The following ALPL variants were observed in gnomAD, a reference collection of about 807,000 sequenced individuals.
ALPL encodes alkaline phosphatase, tissue-nonspecific isozyme.
Under a neutral mutation model 51.3 loss-of-function variants are expected in ALPL, and 42 were observed. That is an observed-to-expected ratio of 0.82 (90% CI 0.64 to 1.06). ALPL has a LOEUF of 1.06. Ranked by LOEUF, ALPL falls within the 50% of genes least tolerant of loss-of-function variation. The probability of loss-of-function intolerance (pLI) is 0.00; values close to 1 mark genes in which losing one functional copy is unlikely to be tolerated. For synonymous variants in ALPL, 279 were observed against 296.4 expected (o/e 0.94, Z 0.60); for missense variants, 589 against 709.4 (o/e 0.83, Z 1.93).
chr1:21,544,781 A>G (rs1644231677), intron 1 of ALPL, among the ~76,000 whole-genome samples: 1 of 152,286 alleles, frequency 6.6e-6, no homozygotes, highest in East Asian at 1.9e-4. Context: ...GTTGTTTTGG[A>G]CTAAATGCAT....
intron 2 of ALPL, among the ~76,000 whole-genome samples, chr1:21,556,883 G>A (rs940402543): frequency 2.6e-5 from 4 of 152,160 alleles, no homozygotes; most frequent in African/African-American, 9.7e-5. Context: ...AGGTTGCAGT[G>A]AGCTGAGATT....
intron 11 of ALPL, 94 bp downstream of exon 11, chr1:21,576,735 G>T: frequency 6.5e-7 from 1 of 1,546,336 alleles, no homozygotes; most frequent in African/African-American, 1.4e-5. Flanking sequence ...AAGGTCAGGG[G>T]TCTCAGAATG....
chr1:21,542,433 T>G (rs1468207344), intron 1 of ALPL, among the ~76,000 whole-genome samples: 4 of 152,216 alleles, frequency 2.6e-5, no homozygotes, highest in Non-Finnish European at 2.9e-5. Flanking sequence ...TAGTGGTTCC[T>G]CTCACCGGGC....
chr1:21,510,972 G>A (rs937450434), intron 1 of ALPL, among the ~76,000 whole-genome samples: 2 of 152,180 alleles, frequency 1.3e-5, no homozygotes, highest in African/African-American at 4.8e-5. Context: ...TGATGATCCC[G>A]GTCCATGTGC....
Position 21,577,555 on chromosome 1 carries a change from C to G in ALPL, c.1482C>G (p.Leu494=). 1.9e-6 allele frequency: 3 copies of G among 1,604,980 alleles called. No homozygotes were observed. The highest frequency in any genetic ancestry group is 2.5e-6 in the Non-Finnish European group (3 of 1,179,838). ...MAYAACIGAN[L]GHCAPASSAG... is the part of the protein sequence containing the mutation. ...ATGCAGCCTGCATCGGGGCCAACCT[C>G]GGCCACTGTGCTCCTGCCAGCTCGG... The change falls in exon 12 of 12, where the codon CTC becomes CTG. Residue 494 remains leucine (L), a synonymous_variant. Transcript: ENST00000374840.
intron 1 of ALPL, among the ~76,000 whole-genome samples, chr1:21,520,883 C>T (rs1643876695): frequency 6.6e-6 from 1 of 152,140 alleles, no homozygotes; most frequent in African/African-American, 2.4e-5. Flanking sequence ...ATGGTAAAAC[C>T]AGGCCTCAAA....
intron 8 of ALPL, 124 bp downstream of exon 8, chr1:21,570,498 T>G: frequency 1.4e-5 from 14 of 1,001,128 alleles, no homozygotes; most frequent in Admixed American, 2.0e-5. Flanking sequence ...GCTCTTGGGC[T>G]TCAGGACCTG....
intron 1 of ALPL, among the ~76,000 whole-genome samples, chr1:21,530,673 T>A: frequency 6.6e-6 from 1 of 151,940 alleles, no homozygotes; most frequent in Non-Finnish European, 1.5e-5. Context: ...CAGACTGGGG[T>A]CTGGAAAGGA....
chr1:21,544,063 C>T (rs1295099259), intron 1 of ALPL, among the ~76,000 whole-genome samples: 1 of 152,184 alleles, frequency 6.6e-6, no homozygotes, highest in African/African-American at 2.4e-5. Flanking sequence ...ATCGATGTGA[C>T]CTCTTCACCA....
intron 1 of ALPL, among the ~76,000 whole-genome samples, chr1:21,529,051 A>G (rs1230367195): frequency 6.7e-6 from 1 of 149,036 alleles, no homozygotes; most frequent in African/African-American, 2.5e-5. Flanking sequence ...CCTGGGTGAC[A>G]AGAGCGAGAC....
In ALPL at chr1:21,570,796, T is replaced by C. The variant is rs147999401; in HGVS notation, c.862+422T>C. ...AAGTTATCTCTGCCCATCCTGACGA[T>C]TGCCCTCCTCCCCAGGCAGTGGGGA... On this transcript the variant is annotated intron_variant, in intron 8 of 11. Coordinates refer to ENST00000374840, the MANE Select transcript of ALPL (RefSeq NM_000478.6). Among the ~76,000 whole-genome samples the C allele has an allele frequency of 7.4e-3, 1,124 of 152,260 alleles. 15 individuals are homozygous for C. Among genetic ancestry groups the C allele is most frequent in the African/African-American group, 0.025 (1,030 of 41,548 alleles).
At chr1:21,554,815 G>GTCTGTCTTTCTT (rs1367097121) in intron 2 of ALPL, among the ~76,000 whole-genome samples, 20 of 83,750 alleles carry the variant, frequency 2.4e-4, no homozygotes, top group African/African-American at 6.9e-4. Flanking sequence ...CTGTCTGTCT[G>GTCTGTCTTTCTT]TCTTTCTTTC....
intron 1 of ALPL, among the ~76,000 whole-genome samples, chr1:21,538,227 C>T (rs1644135439): frequency 6.6e-6 from 1 of 152,180 alleles, no homozygotes; most frequent in Non-Finnish European, 1.5e-5. Context: ...TCAATGGGGG[C>T]CTGCTGAGCT....
chr1:21,519,195 G>A (rs925146850), intron 1 of ALPL, among the ~76,000 whole-genome samples: 13 of 152,168 alleles, frequency 8.5e-5, no homozygotes, highest in African/African-American at 3.1e-4. Flanking sequence ...AGGCAGTGAT[G>A]AGGCCCAGAA....
intron 1 of ALPL, among the ~76,000 whole-genome samples, chr1:21,523,282 G>A (rs1357816366): frequency 6.6e-6 from 1 of 152,188 alleles, no homozygotes; most frequent in Non-Finnish European, 1.5e-5. Context: ...CTGGGCGACA[G>A]AGCGAGACTC....
chr1:21,574,288 A>G, intron 9 of ALPL: 2 of 803,996 alleles, frequency 2.5e-6, no homozygotes, highest in Non-Finnish European at 3.0e-6. Flanking sequence ...TGTGAAGCCA[A>G]AAATAGCATC....
At chr1:21,513,113 A>C (rs1339652300) in intron 1 of ALPL, among the ~76,000 whole-genome samples, 1 of 151,998 alleles carries the variant, frequency 6.6e-6, no homozygotes, top group East Asian at 1.9e-4. Context: ...GAGGCCACAG[A>C]GTACTGGCCA....
intron 2 of ALPL, among the ~76,000 whole-genome samples, chr1:21,558,571 T>C (rs1414116135): frequency 6.6e-6 from 1 of 152,194 alleles, no homozygotes; most frequent in Non-Finnish European, 1.5e-5. Context: ...GCAGAAACTC[T>C]TGTCCAAAGG....
chr1:21,551,719 GTTTTTTTTTTTT>G (rs397861981), intron 1 of ALPL, among the ~76,000 whole-genome samples: 3,674 of 61,588 alleles, frequency 0.06, 153 homozygotes, highest in Middle Eastern at 0.073. Flanking sequence ...AGCTTGCGTG[GTTTTTTTTTTTT>G]TTTTTTTTTT....
Sources: allele counts gnomAD v4.1 joint callset (sites outside exome capture counted in the v4.1 genomes callset), GRCh38; gene constraint gnomAD v4.1.1; transcripts MANE v1.5; gene names NCBI Gene and HGNC (gene_info 2026-07-23, HGNC 2026-07-21).